KIF24: variants seen among roughly 807,000 people sequenced by gnomAD.
KIF24 encodes the protein kinesin-like protein KIF24.
KIF24 carries 81 observed loss-of-function variants against 118.9 expected under a neutral mutation model. That is an observed-to-expected ratio of 0.68 (90% confidence interval 0.57 to 0.82). The LOEUF (loss-of-function observed/expected upper bound fraction) is 0.82, where lower values mean the gene tolerates loss of function less well. Among genes scored for constraint, KIF24 ranks in the 40% least tolerant of loss-of-function variants. KIF24 has a pLI of 0.00. For missense variants in KIF24, 1,560 were observed against 1,661.6 expected (o/e 0.94, Z 1.06); for synonymous variants, 599 against 610.0 (o/e 0.98, Z 0.27).
At chr9:34,254,591 CCCT>C (rs1834747286) in intron 12 of KIF24, 71 bp from the exon 13 acceptor site, 7 of 1,503,128 alleles carry the variant, frequency 4.7e-6, no homozygotes, top group South Asian at 3.7e-5. Context: ...CTTTTTCAGT[CCCT>C]CCTCTGGCAG....
rs773081079 is a variant in KIF24 at position 34,257,862 on chromosome 9, T to C, written c.1745A>G (p.Lys582Arg). The change falls in exon 11 of 13, where the codon AAA becomes AGA. Residue 582 changes from lysine (K) to arginine (R), a missense_variant. By Grantham distance (26) the Lys-to-Arg change is conservative. Coordinates refer to ENST00000402558, the MANE Select transcript of KIF24 (RefSeq NM_194313.4). ...QSSPGALSED[K>R]CSPKKVKLGF... ...CAGCTTGACTTTTTTGGGAGAACAT[T>C]TGTCCTCTGACAAAGCCCCAGGGGA... 23 of 1,613,884 alleles carry C rather than the reference T, an allele frequency of 1.4e-5. No individual in the cohort carries two copies. The highest frequency in any genetic ancestry group is 4.4e-5 in the South Asian group (4 of 91,092).
chr9:34,262,073 A>G (rs1563936139), intron 9 of KIF24, among the ~76,000 whole-genome samples: 1 of 152,140 alleles, frequency 6.6e-6, no homozygotes, highest in Non-Finnish European at 1.5e-5. Flanking sequence ...AGCTGGGACC[A>G]TGGGCCCACA....
chr9:34,280,215 C>T (rs982262079), intron 6 of KIF24, among the ~76,000 whole-genome samples: 2 of 135,018 alleles, frequency 1.5e-5, no homozygotes, highest in East Asian at 2.3e-4. Context: ...ACCCGGGAGG[C>T]GGAGCTTGCA....
intron 4 of KIF24, among the ~76,000 whole-genome samples, chr9:34,291,588 T>A (rs937260806): frequency 1.3e-5 from 2 of 152,190 alleles, no homozygotes; most frequent in African/African-American, 4.8e-5. Context: ...TGTGAAGAAC[T>A]GCAGAATAAG....
intron 3 of KIF24, among the ~76,000 whole-genome samples, chr9:34,302,291 G>A (rs1364631714): frequency 6.6e-6 from 1 of 151,588 alleles, no homozygotes; most frequent in East Asian, 1.9e-4. Flanking sequence ...CCAGCGCGGT[G>A]CCTGGCCTCT....
At chr9:34,299,826 G>A (rs990377827) in intron 3 of KIF24, among the ~76,000 whole-genome samples, 6 of 31,792 alleles carry the variant, frequency 1.9e-4, no homozygotes, top group African/African-American at 4.1e-4. Flanking sequence ...GTGTGTGCGT[G>A]TGTGTGTGTG....
intron 3 of KIF24, among the ~76,000 whole-genome samples, 198 bp from the exon 4 acceptor site, chr9:34,297,312 CA>C (rs1836522639): frequency 6.6e-6 from 1 of 152,146 alleles, no homozygotes; most frequent in Non-Finnish European, 1.5e-5. Context: ...CATGTTCTTA[CA>C]AGGTAAAAAC....
Position 34,254,355 on chromosome 9 carries a change from C to A in KIF24, c.*25G>T. The A allele has an allele frequency of 6.3e-7, 1 of 1,598,262 alleles. No individual in the cohort carries two copies. The stretch of plus-strand genomic sequence containing the variant: ...CCAGCACAGACTCCTGCAGGGCCCC[C>A]ACCATCTCGGCACAGGGTCTGGCTC... On this transcript the variant is annotated 3_prime_UTR_variant, in exon 13 of 13. Coordinates refer to ENST00000402558, the MANE Select transcript of KIF24 (RefSeq NM_194313.4).
At chr9:34,319,238 G>C in intron 1 of KIF24, 1 of 1,477,136 alleles carries the variant, frequency 6.8e-7, no homozygotes, top group Non-Finnish European at 9.5e-7. Flanking sequence ...GGAGCCCCTC[G>C]AGGCCTTAAA....
chr9:34,311,228 T>C lies in KIF24; in HGVS notation c.119A>G (p.Tyr40Cys), dbSNP rs1003749375. The change falls in exon 2 of 13, where the codon TAC (tyrosine) becomes TGC (cysteine). Residue 40 changes from tyrosine to cysteine, a missense_variant. Transcript: ENST00000402558. ...CATGTCATGGACTCCTAATTTGGAG[T>C]AGTCCTTCATTGTAATCTTGGCTAA... ...DELAKITMKD[Y>C]SKLGVHDMND... 5 of 1,612,668 alleles carry C rather than the reference T, an allele frequency of 3.1e-6. No individual in the cohort carries two copies. Among genetic ancestry groups the C allele is most frequent in the Non-Finnish European group, 4.2e-6 (5 of 1,179,082 alleles).
At chr9:34,279,648 G>A (rs1259861036) in intron 6 of KIF24, among the ~76,000 whole-genome samples, 1 of 152,266 alleles carries the variant, frequency 6.6e-6, no homozygotes, top group East Asian at 1.9e-4. Flanking sequence ...TGTGCAGGCA[G>A]GCCATGCCTG....
In KIF24 at chr9:34,286,720, A is replaced by T. The variant is rs753480927; in HGVS notation, c.1128-16T>A. ...TGCAAAGAGCCTGCAGATGCAAGAA[A>T]GTGGTTGGTATGATGGTGCTACTAA... On this transcript the variant is annotated splice_polypyrimidine_tract_variant and intron_variant, in intron 5 of 12. Coordinates refer to ENST00000402558, the MANE Select transcript of KIF24 (RefSeq NM_194313.4). The T allele has an allele frequency of 6.3e-7, 1 of 1,582,848 alleles. No individual in the cohort carries two copies. Among genetic ancestry groups the T allele is most frequent in the Non-Finnish European group, 8.7e-7 (1 of 1,152,230 alleles).
rs187662980 is a variant in KIF24, at chr9:34,318,871, C to G, written c.-25-7500G>C. The G allele has an allele frequency of 8.7e-6, 14 of 1,600,974 alleles. No individual in the cohort carries two copies. The East Asian group carries it at 2.9e-4, about 33-fold the overall frequency. On this transcript the variant is annotated intron_variant, in intron 1 of 12. Coordinates refer to ENST00000402558, the MANE Select transcript of KIF24 (RefSeq NM_194313.4). This position sits in a 1 kb window ranked among gnomAD's most constrained non-coding sequence, Gnocchi z 4.9. ...GCAGCAGCAAGCAGCACTACAACTG[C>G]GAGCACTCCAAGATCAATTTCCATG...
chr9:34,263,629 T>A (rs1282143723), intron 8 of KIF24, among the ~76,000 whole-genome samples: 1 of 152,134 alleles, frequency 6.6e-6, no homozygotes. Context: ...CAAGCATAGA[T>A]TCAGATATAA....
At chr9:34,261,233 T>A (rs564416507) in intron 9 of KIF24, among the ~76,000 whole-genome samples, 2 of 152,122 alleles carry the variant, frequency 1.3e-5, no homozygotes, top group East Asian at 3.8e-4. Context: ...AAAAATCTTC[T>A]CCTAGACATC....
chr9:34,316,045 A>AAAT (rs1837317120), intron 1 of KIF24, among the ~76,000 whole-genome samples: 1 of 149,248 alleles, frequency 6.7e-6, no homozygotes, highest in African/African-American at 2.5e-5. Context: ...AAAAAAAAAA[A>AAAT]TTTTTTTAGA....
Position 34,318,395 on chromosome 9 carries a change from C to A in KIF24, c.-25-7024G>T. 1.4e-6 allele frequency: 1 copy of A among 695,758 alleles called. No individual in the cohort carries two copies. The highest frequency in any genetic ancestry group is 1.5e-5 in the South Asian group (1 of 66,902). The allele number at this position is 695,758 out of a possible 1,614,324, so 43.1% of individuals were successfully genotyped here. A position where few individuals can be genotyped will look rare whatever the true frequency, so the allele number is the denominator to read the frequency against. ...GTCCATCGTGGTGCACGCAAACCACCTCCCAGCCACGCGCTCCCTCCTGCT... is the reference window on the plus strand; with the variant it reads ...GTCCATCGTGGTGCACGCAAACCACATCCCAGCCACGCGCTCCCTCCTGCT... On this transcript the variant is annotated intron_variant, in intron 1 of 12. Coordinates refer to ENST00000402558, the MANE Select transcript of KIF24 (RefSeq NM_194313.4). This position sits in a 1 kb window ranked among gnomAD's most constrained non-coding sequence, Gnocchi z 4.9.
intron 6 of KIF24, among the ~76,000 whole-genome samples, chr9:34,285,805 T>G (rs940100273): frequency 6.7e-6 from 1 of 148,168 alleles, no homozygotes; most frequent in African/African-American, 2.5e-5. Context: ...AAAAAAAAAT[T>G]AGCCAGGTGT....
intron 1 of KIF24, among the ~76,000 whole-genome samples, chr9:34,321,563 T>TAAA (rs57959947): frequency 6.0e-4 from 72 of 120,832 alleles, no homozygotes; most frequent in African/African-American, 2.1e-3. Context: ...CCGATAGCAT[T>TAAA]AAAAAAAAAA....
Sources: gnomAD v4.1 joint callset for allele counts (sites outside exome capture counted in the v4.1 genomes callset) on GRCh38, gnomAD v4.1.1 for gene constraint, Gnocchi (gnomAD v3.1) non-coding constraint, MANE v1.5 for transcripts, NCBI Gene and HGNC (gene_info 2026-07-23, HGNC 2026-07-21) for gene names.